LYST: variants seen among roughly 807,000 people sequenced by gnomAD.
LYST encodes lysosomal trafficking regulator.
A neutral mutation model predicts 413.6 loss-of-function variants in LYST; 192 were observed. The observed-to-expected ratio is 0.46, with a 90% CI of 0.41 to 0.52. The LOEUF is 0.52. Among genes scored for constraint, LYST ranks in the 20% least tolerant of loss-of-function variants. The pLI is 0.00. For missense variants in LYST, 3,815 were observed against 4,499.9 expected, an observed-to-expected ratio of 0.85 and a Z score of 4.35; for synonymous variants, 1,525 against 1,567.3, an observed-to-expected ratio of 0.97 and a Z score of 0.64.
At chr1:235,833,502 G>A (rs1043645210) in intron 2 of LYST, 76 bp downstream of exon 2, 4 of 235,696 alleles carry the variant, frequency 1.7e-5, no homozygotes, top group Non-Finnish European at 2.8e-5. Context: ...GGGGTTTAAC[G>A]AATGTCAGAT....
intron 1 of LYST, among the ~76,000 whole-genome samples, chr1:235,841,467 A>G (rs1266393042): frequency 6.6e-6 from 1 of 152,180 alleles, no homozygotes; most frequent in African/African-American, 2.4e-5. Flanking sequence ...CCATGTTGGT[A>G]GCTTAAAATC....
intron 6 of LYST, 71 bp from the exon 7 acceptor site, chr1:235,804,736 A>T (rs995995841): frequency 1.1e-6 from 1 of 916,806 alleles, no homozygotes; most frequent in Non-Finnish European, 1.7e-6. Flanking sequence ...AAAAATAAAT[A>T]ATAAATATTT....
chr1:235,815,687 A>T (rs1673976005), intron 3 of LYST, among the ~76,000 whole-genome samples: 1 of 152,238 alleles, frequency 6.6e-6, no homozygotes, highest in African/African-American at 2.4e-5. Flanking sequence ...CATTCACAAC[A>T]GTCACAGAAA....
At position 235,759,571 on chromosome 1, in the gene LYST, T is replaced by C. The variant is rs749243447; in HGVS notation, c.6282A>G (p.Gln2094=). ...EGENSSNIIP[Q]QMAAHMLRSR... is the part of the protein sequence containing the mutation. ...AACGCAGCATATGGGCGGCCATCTG[T>C]TGTGGAATAATATTAGAGGAATTCT... Residue 2094 remains glutamine, a synonymous_variant, in exon 23 of 53, where the codon CAA becomes CAG. Coordinates refer to ENST00000389793, the MANE Select transcript of LYST (RefSeq NM_000081.4). 2 of 1,613,524 alleles carry C rather than the reference T, an allele frequency of 1.2e-6. No individual in the cohort carries two copies. Among genetic ancestry groups the C allele is most frequent in the South Asian group, 1.1e-5 (1 of 91,072 alleles).
At chr1:235,757,498 A>G (rs1286147354) in intron 23 of LYST, 40 bp from the exon 24 acceptor site, 1 of 1,478,008 alleles carries the variant, frequency 6.8e-7, no homozygotes, top group Non-Finnish European at 9.5e-7. Context: ...ACATGACAAG[A>G]AAAGTACTTG....
chr1:235,760,642 T>G lies in LYST; in HGVS notation c.6254-1043A>C, dbSNP rs547502542. ...CCACCCTAGATCTACTGATACAGAA[T>G]GTATGAGAGAGGGGCCCAGGAATCA... On this transcript the variant is annotated intron_variant, in intron 22 of 52. Coordinates refer to ENST00000389793, the MANE Select transcript of LYST (RefSeq NM_000081.4). Among the ~76,000 whole-genome samples the G allele has an allele frequency of 4.6e-5, 7 of 152,282 alleles. No individual in the cohort carries two copies. The East Asian group carries it at 1.3e-3, about 29-fold the overall frequency.
At chr1:235,788,061 A>G (rs890016438) in intron 13 of LYST, among the ~76,000 whole-genome samples, 1 of 152,202 alleles carries the variant, frequency 6.6e-6, no homozygotes, top group Non-Finnish European at 1.5e-5. Flanking sequence ...GACCATTACA[A>G]TCTGATAGAA....
intron 40 of LYST, among the ~76,000 whole-genome samples, chr1:235,719,846 C>G (rs1663189430): frequency 6.6e-6 from 1 of 151,788 alleles, no homozygotes; most frequent in African/African-American, 2.4e-5. Flanking sequence ...TCCAACAAGT[C>G]AATGTCAGGA....
chr1:235,847,509 A>C (rs1437025440), intron 1 of LYST, among the ~76,000 whole-genome samples: 2 of 152,214 alleles, frequency 1.3e-5, no homozygotes, highest in East Asian at 3.8e-4. Flanking sequence ...AAAAGTACAG[A>C]GGCAACAAGG....
chr1:235,758,832 T>C, intron 23 of LYST, 140 bp downstream of exon 23: 1 of 710,130 alleles, frequency 1.4e-6, no homozygotes, highest in Admixed American at 2.7e-5. Context: ...TTCTGTTTGT[T>C]ATTATTATGT....
intron 1 of LYST, among the ~76,000 whole-genome samples, chr1:235,853,847 T>C (rs1409413759): frequency 6.6e-6 from 1 of 152,118 alleles, no homozygotes; most frequent in Admixed American, 6.6e-5. Context: ...CTTAAGCCTT[T>C]CAACAGGTAG....
At position 235,830,385 on chromosome 1, in the gene LYST, T is replaced by C; in HGVS notation, c.33A>G (p.Glu11=). The C allele has an allele frequency of 6.2e-7, 1 of 1,613,856 alleles. No homozygotes were observed. Among genetic ancestry groups the C allele is most frequent in the South Asian group, 1.1e-5 (1 of 91,038 alleles). Residue 11 remains glutamate (E), a synonymous_variant, in exon 3 of 53, where the codon GAA becomes GAG. Coordinates refer to ENST00000389793, the MANE Select transcript of LYST (RefSeq NM_000081.4). MSTDSNSLAR[E]FLTDVNRLCN... ...AAAGCCGGTTGACATCGGTCAGAAA[T>C]TCACGTGCCAGTGAGTTACTGTCGG...
intron 1 of LYST, among the ~76,000 whole-genome samples, chr1:235,845,316 T>C (rs79137670): frequency 1.3e-5 from 2 of 152,144 alleles, no homozygotes; most frequent in Admixed American, 1.3e-4. Flanking sequence ...GGGTAGAGAA[T>C]GCAGCAGAAA....
intron 3 of LYST, among the ~76,000 whole-genome samples, chr1:235,817,027 A>G (rs1674198859): frequency 6.6e-6 from 1 of 152,220 alleles, no homozygotes; most frequent in Admixed American, 6.5e-5. Context: ...TTTATAAGTA[A>G]AAGACAAATG....
In LYST at chr1:235,810,096, G is replaced by T. The variant is rs1316704521; in HGVS notation, c.722C>A (p.Pro241Gln). Residue 241 changes from proline to glutamine, a missense_variant, in exon 5 of 53, where the codon CCA (proline) becomes CAA (glutamine). Coordinates refer to ENST00000389793, the MANE Select transcript of LYST (RefSeq NM_000081.4). ...QGSNTDILSE[P>Q]AALSVISNMN... ...GTTACTGATAACAGACAAGGCAGCT[G>T]GCTCACTTAAAATGTCAGTGTTTGA... 6.2e-7 allele frequency: 1 copy of T among 1,613,918 alleles called. No individual in the cohort carries two copies. Among genetic ancestry groups the T allele is most frequent in the Non-Finnish European group, 8.5e-7 (1 of 1,179,932 alleles).
At chr1:235,830,182 T>A in intron 3 of LYST, 44 bp downstream of exon 3, 1 of 1,418,454 alleles carries the variant, frequency 7.0e-7, no homozygotes, top group Non-Finnish European at 1.0e-6. Flanking sequence ...TACAGTTAAC[T>A]ATCATATATT....
rs558607793 is a variant in LYST, at chr1:235,728,005, G to C, written c.9162+71C>G. The C allele has an allele frequency of 1.6e-5, 17 of 1,094,526 alleles. No individual in the cohort carries two copies. In the Middle Eastern group the frequency reaches 8.2e-4, roughly 53 times the overall value. The allele number at this position is 1,094,526 out of a possible 1,614,324, so 67.8% of individuals were successfully genotyped here. A position where few individuals can be genotyped will look rare whatever the true frequency, so the allele number is the denominator to read the frequency against. On this transcript the variant is annotated intron_variant, in intron 38 of 52. Coordinates refer to ENST00000389793, the MANE Select transcript of LYST (RefSeq NM_000081.4). ...CTCTAATAGTTCTTCCTTCTCTCTA[G>C]TTATACTGAATTGATACATTTTTGG... is the stretch of plus-strand genomic sequence containing the variant.
chr1:235,780,889 T>C lies in LYST; in HGVS notation c.5190A>G (p.Lys1730=), dbSNP rs747777620. 5 of 1,539,992 alleles carry C rather than the reference T, an allele frequency of 3.2e-6. No individual in the cohort carries two copies. In the Admixed American group the frequency reaches 5.3e-5, roughly 16 times the overall value. Residue 1730 remains lysine (K), a synonymous_variant, in exon 16 of 53, where the codon AAA becomes AAG. Coordinates refer to ENST00000389793, the MANE Select transcript of LYST (RefSeq NM_000081.4). ...CAATTAAGAGACCAATATCCACATC[T>C]TTCTTGGTCATAAAAAGTTCTCTGA... is the stretch of plus-strand genomic sequence containing the variant. The part of the protein sequence containing the change: ...EQIRELFMTK[K]DVDIGLLIES...
At chr1:235,691,697 C>CTTTTTTTTTTTTTT (rs774558822) in intron 47 of LYST, among the ~76,000 whole-genome samples, 2 of 138,204 alleles carry the variant, frequency 1.4e-5, no homozygotes, top group African/African-American at 2.9e-5. Flanking sequence ...ATCAGATTCT[C>CTTTTTTTTTTTTTT]TCTTTTTTTT....
Sources: allele counts gnomAD v4.1 joint callset (sites outside exome capture counted in the v4.1 genomes callset), GRCh38; gene constraint gnomAD v4.1.1; transcripts MANE v1.5; gene names NCBI Gene and HGNC (gene_info 2026-07-23, HGNC 2026-07-21).